The following OSBPL3 variants were observed in gnomAD, a reference collection of about 807,000 sequenced individuals.
OSBPL3 encodes oxysterol-binding protein-related protein 3.
Under a neutral mutation model 120.1 loss-of-function variants are expected in OSBPL3, and 65 were observed. The ratio of observed to expected loss-of-function variants is 0.54; its 90% CI spans 0.44 to 0.67. The LOEUF (loss-of-function observed/expected upper bound fraction) is 0.67. Among genes scored for constraint, OSBPL3 ranks in the 30% least tolerant of loss-of-function variants. OSBPL3 has a pLI of 0.00. For synonymous variants in OSBPL3, 416 were observed against 402.6 expected, an observed-to-expected ratio of 1.03 and a Z score of -0.40; for missense variants, 1,004 against 1,082.1, an observed-to-expected ratio of 0.93 and a Z score of 1.01.
Position 24,803,349 on chromosome 7 carries a change from G to A in OSBPL3, c.2567+966C>T, listed in dbSNP as rs186452806. On this transcript the variant is annotated intron_variant, in intron 22 of 22. Transcript: ENST00000313367. This position sits in a 1 kb window ranked among gnomAD's most constrained non-coding sequence, Gnocchi z 4.2. Reference sequence around the variant, plus strand: ...ATATAGGCCCTGGCCTGGTAGTGAGGAGAGTCAGGCCCCATTCCAGGGTAT... The same window carrying A: ...ATATAGGCCCTGGCCTGGTAGTGAGAAGAGTCAGGCCCCATTCCAGGGTAT... Among the ~76,000 whole-genome samples the A allele has an allele frequency of 2.1e-3, 324 of 152,288 alleles. 5 individuals carry two copies. The highest frequency in any genetic ancestry group is 3.3e-3 in the Non-Finnish European group (225 of 68,024).
intron 5 of OSBPL3, among the ~76,000 whole-genome samples, chr7:24,868,338 AGTGTGTGTGTGTGTGT>A (rs55688298): frequency 8.0e-5 from 11 of 137,948 alleles, no homozygotes; most frequent in African/African-American, 1.1e-4. Flanking sequence ...AAAAAAAAAA[AGTGTGTGTGTGTGTGT>A]GTGTGTGTGT....
At chr7:24,902,742 G>A (rs961967857) in intron 1 of OSBPL3, among the ~76,000 whole-genome samples, 2 of 106,460 alleles carry the variant, frequency 1.9e-5, no homozygotes, top group Non-Finnish European at 3.9e-5. Context: ...AATAAAGAAA[G>A]GACTCTTGAA....
chr7:24,884,542 A>C (rs914469610), intron 2 of OSBPL3, among the ~76,000 whole-genome samples: 10 of 152,184 alleles, frequency 6.6e-5, no homozygotes, highest in Non-Finnish European at 1.5e-4. Context: ...CTGCCCCTGC[A>C]CTGTGCCACC....
chr7:24,938,149 G>C lies in OSBPL3; in HGVS notation c.-150+41737C>G, dbSNP rs1812639762. On this transcript the variant is annotated intron_variant, in intron 1 of 22. Coordinates refer to ENST00000313367, the MANE Select transcript of OSBPL3 (RefSeq NM_015550.4). This position sits in a 1 kb window ranked among gnomAD's most constrained non-coding sequence, Gnocchi z 5.8. ...GTTGAAACCTAATCACCAACCTGATGGTATTAGGAGTTGGAGCCTTTGGGC... is the reference window on the plus strand; with the variant it reads ...GTTGAAACCTAATCACCAACCTGATCGTATTAGGAGTTGGAGCCTTTGGGC... Among the ~76,000 whole-genome samples, 2 of 152,200 alleles carry C rather than the reference G, an allele frequency of 1.3e-5. No homozygotes were observed. Among genetic ancestry groups the C allele is most frequent in the South Asian group, 4.1e-4 (2 of 4,824 alleles).
chr7:24,950,504 C>T (rs1563003554), intron 1 of OSBPL3, among the ~76,000 whole-genome samples: 3 of 152,140 alleles, frequency 2.0e-5, no homozygotes, highest in South Asian at 2.1e-4. Flanking sequence ...GGGCGGATCA[C>T]GAGGTCAGGA....
upstream of OSBPL3, among the ~76,000 whole-genome samples, chr7:24,980,385 A>T (rs1030154000): frequency 6.6e-6 from 1 of 151,214 alleles, no homozygotes; most frequent in African/African-American, 2.4e-5. Flanking sequence ...GCGGCGGGGG[A>T]ACTAGGGACC....
intron 1 of OSBPL3, among the ~76,000 whole-genome samples, chr7:24,963,050 G>A (rs1815969561): frequency 1.3e-5 from 2 of 152,116 alleles, no homozygotes; most frequent in Admixed American, 1.3e-4. Flanking sequence ...TTTGATGACT[G>A]AATTATTTCC....
chr7:24,905,848 T>C (rs975625554), intron 1 of OSBPL3, among the ~76,000 whole-genome samples: 1 of 152,208 alleles, frequency 6.6e-6, no homozygotes, highest in African/African-American at 2.4e-5. Context: ...CTGGCCAACA[T>C]GGTTGAAACC....
intron 19 of OSBPL3, among the ~76,000 whole-genome samples, chr7:24,812,304 C>CAAAAAAAAAAAAAAAAAAAAAAAAA (rs57963279): frequency 1.0e-5 from 1 of 97,048 alleles, no homozygotes; most frequent in African/African-American, 4.1e-5. Flanking sequence ...GACTCCATCT[C>CAAAAAAAAAAAAAAAAAAAAAAAAA]AAAAAAAAAA....
rs1554358561 is a variant in OSBPL3, at chr7:24,841,717, A to AAAAG, written c.1401+561_1401+562insCTTT. 1.4e-3 allele frequency among the ~76,000 whole-genome samples: 115 copies of AAAAG among 82,794 alleles called. 18 individuals are homozygous for AAAAG. The highest frequency in any genetic ancestry group is 3.9e-3 in the African/African-American group (82 of 20,782). The allele number at this position is 82,794 out of a possible 152,430, so 54.3% of individuals were successfully genotyped here. A position where few individuals can be genotyped will look rare whatever the true frequency, so the allele number is the denominator to read the frequency against. On this transcript the variant is annotated intron_variant, in intron 13 of 22. Transcript: ENST00000313367. ...CTCAAAAAAAAAAAAAAAAAAAAAA[A>AAAAG]AAAAGAGGCCAGGCACAGTGGCTCA... is the stretch of plus-strand genomic sequence containing the variant.
At position 24,891,072 on chromosome 7, in the gene OSBPL3, A is replaced by T. The variant is rs947063203; in HGVS notation, c.96+1305T>A. 1.3e-5 allele frequency among the ~76,000 whole-genome samples: 2 copies of T among 152,196 alleles called. No individual in the cohort carries two copies. The highest frequency in any genetic ancestry group is 2.9e-5 in the Non-Finnish European group (2 of 68,020). ...AGGGGATATACCACATACTGTTTTA[A>T]TCCCAACCAGAGTTTTGGCTTAGGG... On this transcript the variant is annotated intron_variant, in intron 2 of 22. Coordinates refer to ENST00000313367, the MANE Select transcript of OSBPL3 (RefSeq NM_015550.4). This position sits in a 1 kb window ranked among gnomAD's most constrained non-coding sequence, Gnocchi z 4.1.
chr7:24,892,544 T>G lies in OSBPL3; in HGVS notation c.-72A>C, dbSNP rs1371234073. On this transcript the variant is annotated 5_prime_UTR_variant, in exon 2 of 23. Transcript: ENST00000313367. ...GACAAGGGAGCCGAGAGTATGGAAG[T>G]CCCCAGTGGCAGGTGGTTTAGCTCT... 6.4e-7 allele frequency: 1 copy of G among 1,560,954 alleles called. No homozygotes were observed. Among genetic ancestry groups the G allele is most frequent in the Non-Finnish European group, 8.7e-7 (1 of 1,143,090 alleles).
intron 1 of OSBPL3, among the ~76,000 whole-genome samples, chr7:24,924,522 T>C (rs1810798777): frequency 6.6e-6 from 1 of 152,238 alleles, no homozygotes; most frequent in Non-Finnish European, 1.5e-5. Context: ...GTTCTAAGAA[T>C]TGCCGTCATC....
At position 24,813,072 on chromosome 7, in the gene OSBPL3, T is replaced by C. The variant is rs1794038190; in HGVS notation, c.2172+1987A>G. On this transcript the variant is annotated intron_variant, in intron 19 of 22. Transcript: ENST00000313367. The surrounding 1 kb of genome is among the most constrained non-coding windows in gnomAD (Gnocchi z 4.5). ...TTTTAAATTTGTTGTAGAGATAGGG[T>C]CTTGTCAGATTGCCCAGGCTGGTCT... Among the ~76,000 whole-genome samples, 1 of 152,026 alleles carries C rather than the reference T, an allele frequency of 6.6e-6. No individual in the cohort carries two copies. The highest frequency in any genetic ancestry group is 1.5e-5 in the Non-Finnish European group (1 of 67,996).
In OSBPL3 at chr7:24,918,079, A is replaced by G; in HGVS notation, c.-149-25458T>C. ...GGTTGGCTTATCCTCGACGCACATA[A>G]TGACAAGCACAGGTGCTGTTTCTCA... On this transcript the variant is annotated intron_variant, in intron 1 of 22. Transcript: ENST00000313367. The surrounding 1 kb of genome is among the most constrained non-coding windows in gnomAD (Gnocchi z 4.3). 1.0e-6 allele frequency: 1 copy of G among 985,154 alleles called. No individual in the cohort carries two copies. Among genetic ancestry groups the G allele is most frequent in the Non-Finnish European group, 1.2e-6 (1 of 829,674 alleles). The allele number at this position is 985,154 out of a possible 1,614,324, so 61.0% of individuals were successfully genotyped here. A position where few individuals can be genotyped will look rare whatever the true frequency, so the allele number is the denominator to read the frequency against.
At chr7:24,809,276 G>C (rs1793464673) in intron 20 of OSBPL3, among the ~76,000 whole-genome samples, 1 of 152,148 alleles carries the variant, frequency 6.6e-6, no homozygotes, top group Non-Finnish European at 1.5e-5. Flanking sequence ...AGTATGGTGG[G>C]GACATGCTGA....
At chr7:24,853,158 C>T (rs893587288) in intron 10 of OSBPL3, among the ~76,000 whole-genome samples, 1 of 152,070 alleles carries the variant, frequency 6.6e-6, no homozygotes, top group South Asian at 2.1e-4. Context: ...GTTTTTGTAT[C>T]CCCAAAGACT....
chr7:24,854,324 GA>G lies in OSBPL3; in HGVS notation c.1028-1691del, dbSNP rs1799535690. Among the ~76,000 whole-genome samples the G allele has an allele frequency of 2.6e-5, 4 of 152,244 alleles. No homozygotes were observed. The highest frequency in any genetic ancestry group is 9.6e-5 in the African/African-American group (4 of 41,552). On this transcript the variant is annotated intron_variant, in intron 10 of 22. Coordinates refer to ENST00000313367, the MANE Select transcript of OSBPL3 (RefSeq NM_015550.4). This position sits in a 1 kb window ranked among gnomAD's most constrained non-coding sequence, Gnocchi z 4.1. ...CATTTTTAGAGGTATTGTTATTCAAGAGTGGGCTATTTAGTAACACAGAAAC... is the reference window on the plus strand; with the variant it reads ...CATTTTTAGAGGTATTGTTATTCAAGGTGGGCTATTTAGTAACACAGAAAC...
rs1248481950 is a variant in OSBPL3, at chr7:24,965,689, G to A, written c.-150+14197C>T. On this transcript the variant is annotated intron_variant, in intron 1 of 22. Coordinates refer to ENST00000313367, the MANE Select transcript of OSBPL3 (RefSeq NM_015550.4). The surrounding 1 kb of genome is among the most constrained non-coding windows in gnomAD (Gnocchi z 4.3). ...CTAAATCAGAAACTGTGGGGGTGGG[G>A]CCCAGCAATCTGTTTTATTAAATAA... 6.6e-6 allele frequency among the ~76,000 whole-genome samples: 1 copy of A among 152,226 alleles called. No homozygotes were observed. The highest frequency in any genetic ancestry group is 2.4e-5 in the African/African-American group (1 of 41,532).
Sources: gnomAD v4.1 joint callset for allele counts (sites outside exome capture counted in the v4.1 genomes callset) on GRCh38, gnomAD v4.1.1 for gene constraint, Gnocchi (gnomAD v3.1) non-coding constraint, MANE v1.5 for transcripts, NCBI Gene and HGNC (gene_info 2026-07-23, HGNC 2026-07-21) for gene names.